The following GALNT16 variants were observed in gnomAD, a reference collection of about 807,000 sequenced individuals.
GALNT16 encodes the protein UDP-GalNAc:polypeptide N-acetylgalactosaminyltransferase-like protein 1.
A neutral mutation model predicts 76.1 loss-of-function variants in GALNT16; 40 were observed. That is an observed-to-expected ratio of 0.53 (90% CI 0.41 to 0.68). GALNT16 has a LOEUF of 0.68. GALNT16 is among the 30% of genes least tolerant of loss of function. GALNT16 has a pLI of 0.00. For synonymous variants in GALNT16, 276 were observed against 285.2 expected (o/e 0.97, Z 0.32); for missense variants, 621 against 731.9 (o/e 0.85, Z 1.75).
At position 69,322,933 on chromosome 14, in the gene GALNT16, T is replaced by G. The variant is rs995948039; in HGVS notation, c.336-1759T>G. On this transcript the variant is annotated intron_variant, in intron 2 of 14. Coordinates refer to ENST00000448469, the MANE Select transcript of GALNT16 (RefSeq NM_001168368.2). The stretch of plus-strand genomic sequence containing the variant: ...GCTGAGGTGGCTCACGGGGTGTGTG[T>G]GTGTGTGTGTGTGTGTGTGTGTGTG... 2.8e-4 allele frequency among the ~76,000 whole-genome samples: 14 copies of G among 50,022 alleles called. No homozygotes were observed. In the East Asian group the frequency reaches 7.0e-3, roughly 25 times the overall value. 32.8% of individuals were successfully genotyped at this position (50,022 alleles called of 152,430 possible).
intron 1 of GALNT16, among the ~76,000 whole-genome samples, chr14:69,268,402 G>T (rs1283977689): frequency 6.6e-6 from 1 of 152,154 alleles, no homozygotes; most frequent in Non-Finnish European, 1.5e-5. Flanking sequence ...AAATATAGTA[G>T]ATTGGATGAA....
intron 1 of GALNT16, among the ~76,000 whole-genome samples, chr14:69,289,345 AC>A (rs1400394888): frequency 6.6e-6 from 1 of 152,116 alleles, no homozygotes; most frequent in Non-Finnish European, 1.5e-5. Flanking sequence ...TGCACAACTA[AC>A]TGAAGTCATC....
intron 1 of GALNT16, among the ~76,000 whole-genome samples, chr14:69,270,211 G>A (rs974761904): frequency 1.3e-4 from 20 of 152,108 alleles, no homozygotes; most frequent in African/African-American, 4.1e-4. Flanking sequence ...GCACTCGTGC[G>A]GGGAGTAGTC....
chr14:69,322,925 GGTGTGTGTGTGTGTGTGTGTGTGTGT>G (rs766188989), intron 2 of GALNT16, among the ~76,000 whole-genome samples: 6 of 103,850 alleles, frequency 5.8e-5, no homozygotes, highest in South Asian at 4.4e-4. Context: ...TGGCTCACGG[GGTGTGTGTGTGTGTGTGTGTGTGTGT>G]GTGTGTGTGT....
chr14:69,264,494 G>A (rs1875261374), intron 1 of GALNT16, among the ~76,000 whole-genome samples: 1 of 152,144 alleles, frequency 6.6e-6, no homozygotes, highest in African/African-American at 2.4e-5. Flanking sequence ...GAACCCTTGA[G>A]GCCTCGCAGG....
At chr14:69,276,417 G>A (rs113052442) in intron 1 of GALNT16, among the ~76,000 whole-genome samples, 14,879 of 152,090 alleles carry the variant, frequency 0.098, 1,063 homozygotes, top group Middle Eastern at 0.16. Context: ...GTGCGGTGGC[G>A]CACGCCTGTA....
At chr14:69,312,954 T>C (rs2045049354) in intron 1 of GALNT16, among the ~76,000 whole-genome samples, 1 of 152,216 alleles carries the variant, frequency 6.6e-6, no homozygotes, top group Non-Finnish European at 1.5e-5. Flanking sequence ...TTAGGCTCTG[T>C]GGCCAGACAG....
At chr14:69,326,284 C>T (rs950835046) in intron 5 of GALNT16, among the ~76,000 whole-genome samples, 1 of 152,226 alleles carries the variant, frequency 6.6e-6, no homozygotes, top group African/African-American at 2.4e-5. Flanking sequence ...TCCCTTTCTG[C>T]CTTGCAAGGT....
chr14:69,294,801 T>C (rs528340382), intron 1 of GALNT16, among the ~76,000 whole-genome samples: 3 of 152,254 alleles, frequency 2.0e-5, no homozygotes, highest in Admixed American at 6.5e-5. Context: ...CCAGACTGGA[T>C]TTGAACTCCT....
the GALNT16 span, among the ~76,000 whole-genome samples, chr14:69,381,329 T>TA: frequency 6.6e-6 from 1 of 152,202 alleles, no homozygotes; most frequent in African/African-American, 2.4e-5. Context: ...CTGAATTAAC[T>TA]AAAAAACCTT....
chr14:69,294,403 G>A (rs557136062), intron 1 of GALNT16, among the ~76,000 whole-genome samples: 2 of 152,328 alleles, frequency 1.3e-5, no homozygotes, highest in South Asian at 4.1e-4. Context: ...TTACAGGCAT[G>A]AGCCACCGCG....
chr14:69,372,920 A>G, the GALNT16 span, among the ~76,000 whole-genome samples: 2 of 152,166 alleles, frequency 1.3e-5, no homozygotes, highest in African/African-American at 4.8e-5. Flanking sequence ...GCAACCTCCC[A>G]TTGGGATTTG....
chr14:69,368,161 T>C, the GALNT16 span, among the ~76,000 whole-genome samples: 1 of 152,152 alleles, frequency 6.6e-6, no homozygotes, highest in Non-Finnish European at 1.5e-5. Flanking sequence ...GCCTCCTTTT[T>C]CTGGGAAAAG....
In GALNT16 at chr14:69,260,446, G is replaced by A. The variant is rs759905495; in HGVS notation, c.156G>A (p.Glu52=). ...RAGRRSEQLR[E]DRTIPLIVTG... is the part of the protein sequence containing the mutation. ...GCAGGAGGTCGGAGCAGCTCCGCGA[G>A]GACCGCACCATCCCGCTCATTGTGA... Residue 52 remains glutamate, a synonymous_variant, in exon 1 of 15, where the codon GAG becomes GAA. Coordinates refer to ENST00000448469, the MANE Select transcript of GALNT16 (RefSeq NM_001168368.2). 1.3e-6 allele frequency: 2 copies of A among 1,565,012 alleles called. No homozygotes were observed. The highest frequency in any genetic ancestry group is 2.4e-5 in the East Asian group (1 of 42,000).
chr14:69,300,343 CACTG>C (rs1341502529), intron 1 of GALNT16, among the ~76,000 whole-genome samples: 1 of 152,168 alleles, frequency 6.6e-6, no homozygotes, highest in Non-Finnish European at 1.5e-5. Flanking sequence ...GAAATGGAAA[CACTG>C]AGCAGCATCA....
the GALNT16 span, among the ~76,000 whole-genome samples, chr14:69,373,150 T>A: frequency 0.046 from 6,988 of 152,208 alleles, 550 homozygotes; most frequent in African/African-American, 0.16. Flanking sequence ...TCAACTATAC[T>A]CTTTTTCTCC....
downstream of GALNT16, among the ~76,000 whole-genome samples, chr14:69,361,729 C>T (rs531510207): frequency 4.6e-5 from 7 of 152,160 alleles, no homozygotes; most frequent in African/African-American, 1.7e-4. Flanking sequence ...ACAGGGGGCC[C>T]AGTGCGGTGG....
intron 2 of GALNT16, among the ~76,000 whole-genome samples, chr14:69,322,986 GCGCACGCGCGCACGCATGCA>G (rs756290378): frequency 3.4e-5 from 1 of 28,998 alleles, no homozygotes; most frequent in South Asian, 1.5e-3. Context: ...GTGTGTGCGC[GCGCACGCGCGCACGCATGCA>G]CACGTGTAGG....
At chr14:69,330,740 A>C (rs60149087) in intron 6 of GALNT16, among the ~76,000 whole-genome samples, 7,751 of 152,284 alleles carry the variant, frequency 0.051, 311 homozygotes, top group African/African-American at 0.11. Flanking sequence ...CGTGTCCCCC[A>C]TGGAGGGCGA....
Sources: gnomAD v4.1 joint callset for allele counts (sites outside exome capture counted in the v4.1 genomes callset) on GRCh38, gnomAD v4.1.1 for gene constraint, MANE v1.5 for transcripts, NCBI Gene and HGNC (gene_info 2026-07-23, HGNC 2026-07-21) for gene names.